ANO2: variants seen among roughly 807,000 people sequenced by gnomAD.
ANO2 encodes anoctamin-2.
In ANO2, 101 loss-of-function variants were observed where a neutral mutation model predicts 124.2. The observed-to-expected ratio is 0.81, with a 90% confidence interval of 0.69 to 0.96. The LOEUF (loss-of-function observed/expected upper bound fraction) is 0.96, where lower values mean the gene tolerates loss of function less well. Ranked by LOEUF, ANO2 falls within the 40% of genes least tolerant of loss-of-function variation. The pLI is 0.00. For missense variants in ANO2, 1,293 were observed against 1,274.5 expected (o/e 1.01, Z -0.22); for synonymous variants, 486 against 482.5 (o/e 1.01, Z -0.09).
intron 1 of ANO2, among the ~76,000 whole-genome samples, chr12:5,942,187 G>A (rs1215056047): frequency 6.6e-6 from 1 of 152,172 alleles, no homozygotes; most frequent in African/African-American, 2.4e-5. Context: ...CTATGACTAA[G>A]TCACTACTTT....
intron 10 of ANO2, among the ~76,000 whole-genome samples, chr12:5,772,141 T>C (rs1952100913): frequency 6.6e-6 from 1 of 152,132 alleles, no homozygotes; most frequent in Non-Finnish European, 1.5e-5. Context: ...AAAAATATCA[T>C]ATTAATGCAG....
At position 5,864,886 on chromosome 12, in the gene ANO2, T is replaced by G. The variant is rs77506387; in HGVS notation, c.535-10745A>C. The stretch of plus-strand genomic sequence containing the variant: ...CAGTATCCCCTTCCTGTCTTTCATT[T>G]ATTTGGCCCATGTGAAAAATATCCC... On this transcript the variant is annotated intron_variant, in intron 3 of 24. Transcript: ENST00000682330. Among the ~76,000 whole-genome samples, 274 of 152,316 alleles carry G rather than the reference T, an allele frequency of 1.8e-3. 1 individual carries two copies. The highest frequency in any genetic ancestry group is 6.4e-3 in the African/African-American group (268 of 41,566).
intron 7 of ANO2, among the ~76,000 whole-genome samples, chr12:5,821,562 G>A (rs1953799134): frequency 6.6e-6 from 1 of 152,242 alleles, no homozygotes; most frequent in Non-Finnish European, 1.5e-5. Context: ...AGATAGGGAT[G>A]CTGTTTGGAG....
chr12:5,709,978 G>A (rs1281433789), intron 14 of ANO2, among the ~76,000 whole-genome samples: 4 of 152,232 alleles, frequency 2.6e-5, no homozygotes, highest in Non-Finnish European at 5.9e-5. Flanking sequence ...CACGCTTTGG[G>A]TGAGTGAGCT....
At chr12:5,689,694 C>T (rs746503354) in intron 14 of ANO2, among the ~76,000 whole-genome samples, 1 of 152,132 alleles carries the variant, frequency 6.6e-6, no homozygotes, top group African/African-American at 2.4e-5. Flanking sequence ...GACACGGACT[C>T]CTGTAGGGGA....
At chr12:5,695,151 G>C (rs1332499711) in intron 14 of ANO2, among the ~76,000 whole-genome samples, 1 of 151,982 alleles carries the variant, frequency 6.6e-6, no homozygotes, top group Non-Finnish European at 1.5e-5. Context: ...AAAGGAAATG[G>C]TCCTCATTAA....
intron 16 of ANO2, among the ~76,000 whole-genome samples, chr12:5,625,193 G>A (rs183744232): frequency 2.3e-3 from 343 of 151,824 alleles, no homozygotes; most frequent in African/African-American, 7.9e-3. Context: ...TGAATGGTGT[G>A]GGGGGGAGTG....
intron 2 of ANO2, among the ~76,000 whole-genome samples, chr12:5,921,759 C>T (rs1941715295): frequency 1.3e-5 from 2 of 152,148 alleles, no homozygotes; most frequent in African/African-American, 2.4e-5. Flanking sequence ...CACCTCTACC[C>T]TTGTCTCCCT....
At chr12:5,686,675 C>T (rs1308363578) in intron 14 of ANO2, among the ~76,000 whole-genome samples, 1 of 152,200 alleles carries the variant, frequency 6.6e-6, no homozygotes, top group South Asian at 2.1e-4. Flanking sequence ...CTCTGGGAAG[C>T]GGGCATGTGG....
At chr12:5,921,430 G>T in intron 2 of ANO2, 64 bp from the exon 3 acceptor site, 1 of 1,480,872 alleles carries the variant, frequency 6.8e-7, no homozygotes, top group Admixed American at 1.8e-5. Context: ...AACAGAGGAG[G>T]CTGATCTATG....
rs1168211002 is a variant in ANO2, at chr12:5,815,300, CG to C, written c.893-7933del. ...AAAGTGAAACTGAGATAGCAAAACTCGGGGAGGGAGGTTACCAGAGTCAAGA... is the reference window on the plus strand; with the variant it reads ...AAAGTGAAACTGAGATAGCAAAACTCGGGAGGGAGGTTACCAGAGTCAAGA... On this transcript the variant is annotated intron_variant, in intron 7 of 24. Transcript: ENST00000682330. 2.0e-5 allele frequency among the ~76,000 whole-genome samples: 3 copies of C among 152,188 alleles called. No individual in the cohort carries two copies. In the East Asian group the frequency reaches 5.8e-4, roughly 29 times the overall value.
Position 5,573,912 on chromosome 12 carries a change from A to C in ANO2, c.2621+1922T>G, listed in dbSNP as rs1211071682. Among the ~76,000 whole-genome samples, 5 of 152,302 alleles carry C rather than the reference A, an allele frequency of 3.3e-5. No homozygotes were observed. In the East Asian group the frequency reaches 9.6e-4, roughly 29 times the overall value. ...TTAACTCAGCCACCCAGGTTGGGAA[A>C]ACCAATTGGTGTTCTCTCGTTCATG... On this transcript the variant is annotated intron_variant, in intron 23 of 24. Coordinates refer to ENST00000682330, the MANE Select transcript of ANO2 (RefSeq NM_001364791.2).
intron 3 of ANO2, among the ~76,000 whole-genome samples, chr12:5,863,547 C>G (rs1248345615): frequency 1.3e-5 from 2 of 152,092 alleles, no homozygotes; most frequent in African/African-American, 4.8e-5. Flanking sequence ...AATAATACCA[C>G]TTGGAGGAGA....
At chr12:5,945,121 C>T in intron 1 of ANO2, 75 bp downstream of exon 1, 2 of 1,246,842 alleles carry the variant, frequency 1.6e-6, no homozygotes, top group South Asian at 2.6e-5. Context: ...GGTGGGAGTT[C>T]GGATGCCGCC....
Position 5,862,153 on chromosome 12 carries a change from G to A in ANO2, c.535-8012C>T, listed in dbSNP as rs1309685152. Among the ~76,000 whole-genome samples, 1 of 152,062 alleles carries A rather than the reference G, an allele frequency of 6.6e-6. No individual in the cohort carries two copies. Among genetic ancestry groups the A allele is most frequent in the African/African-American group, 2.4e-5 (1 of 41,416 alleles). On this transcript the variant is annotated intron_variant, in intron 3 of 24. Transcript: ENST00000682330. The surrounding 1 kb of genome is among the most constrained non-coding windows in gnomAD (Gnocchi z 4.0). Reference sequence around the variant, plus strand: ...AGTTCCTGCCTAGGGAAGGAAAGGTGGAAATCTGCTCTGCTGGGAGCTCCT... The same window carrying A: ...AGTTCCTGCCTAGGGAAGGAAAGGTAGAAATCTGCTCTGCTGGGAGCTCCT...
intron 19 of ANO2, among the ~76,000 whole-genome samples, chr12:5,605,846 T>C (rs757802055): frequency 6.6e-6 from 1 of 152,138 alleles, no homozygotes. Context: ...ATGTATGAAG[T>C]AATCTCAGAA....
intron 10 of ANO2, among the ~76,000 whole-genome samples, chr12:5,793,068 C>T (rs1441202269): frequency 6.6e-6 from 1 of 152,152 alleles, no homozygotes. Context: ...GGAAAGAAAG[C>T]TTAGGTATAT....
intron 15 of ANO2, among the ~76,000 whole-genome samples, chr12:5,645,278 C>G (rs1946572751): frequency 6.6e-6 from 1 of 152,030 alleles, no homozygotes; most frequent in African/African-American, 2.4e-5. Flanking sequence ...GTTGTTAAGT[C>G]TATCCATGGT....
intron 10 of ANO2, among the ~76,000 whole-genome samples, chr12:5,756,198 C>T (rs1951575613): frequency 1.3e-5 from 2 of 151,944 alleles, no homozygotes; most frequent in South Asian, 4.1e-4. Context: ...TCTAGGATTT[C>T]ACTTTGGCTC....
Sources: gnomAD v4.1 joint callset for allele counts (sites outside exome capture counted in the v4.1 genomes callset) on GRCh38, gnomAD v4.1.1 for gene constraint, Gnocchi (gnomAD v3.1) non-coding constraint, MANE v1.5 for transcripts, NCBI Gene and HGNC (gene_info 2026-07-23, HGNC 2026-07-21) for gene names.